ZNF350: variants seen among roughly 807,000 people sequenced by gnomAD.
ZNF350 encodes zinc finger protein 350.
A neutral mutation model predicts 13.1 loss-of-function variants in ZNF350; 5 were observed. That is an observed-to-expected ratio of 0.38 (90% CI 0.20 to 0.80). ZNF350 has a LOEUF of 0.80. Among genes scored for constraint, ZNF350 ranks in the 30% least tolerant of loss-of-function variants. The pLI is 0.43. For missense variants in ZNF350, 534 were observed against 644.2 expected (o/e 0.83, Z 1.85); for synonymous variants, 199 against 224.2 (o/e 0.89, Z 1.00).
chr19:51,968,664 G>A lies in ZNF350; in HGVS notation c.152C>T (p.Ala51Val), dbSNP rs753398260. The part of the protein sequence containing the change: ...YSNLVAVGYQ[A>V]SKPDALFKLE... Reference sequence around the variant, plus strand: ...CTTGAAGAGTGCATCCGGTTTGCTGGCTTGATACCCTGTTCATGGAAAATG... The same window carrying A: ...CTTGAAGAGTGCATCCGGTTTGCTGACTTGATACCCTGTTCATGGAAAATG... Residue 51 changes from alanine to valine, a missense_variant, in exon 4 of 5, where the codon GCC becomes GTC. Physicochemically the swap from Ala to Val is moderately conservative, Grantham distance 64. Coordinates refer to ENST00000243644, the MANE Select transcript of ZNF350 (RefSeq NM_021632.4). 6.2e-7 allele frequency: 1 copy of A among 1,613,986 alleles called. No individual in the cohort carries two copies.
intron 4 of ZNF350, chr19:51,967,361 CA>C (rs2085608765): frequency 6.6e-6 from 1 of 151,894 alleles, no homozygotes; most frequent in South Asian, 2.1e-4. Context: ...GCCAAGTTCA[CA>C]CCATTGCGCT....
In ZNF350 at chr19:51,976,610, AAAG is replaced by A. The variant is rs2085903951; in HGVS notation, c.-171-2082_-171-2080del. On this transcript the variant is annotated intron_variant, in intron 1 of 4. Transcript: ENST00000243644. This position sits in a 1 kb window ranked among gnomAD's most constrained non-coding sequence, Gnocchi z 4.5. ...AAAGAGGTACTGGGAGCAGTGCTTTAAAGAAGTACTGGGAAGTTTTCTGACTCA... is the reference window on the plus strand; with the variant it reads ...AAAGAGGTACTGGGAGCAGTGCTTTAAAGTACTGGGAAGTTTTCTGACTCA... 2 of 152,230 alleles carry A rather than the reference AAAG, an allele frequency of 1.3e-5. No homozygotes were observed. Among genetic ancestry groups the A allele is most frequent in the Admixed American group, 1.3e-4 (2 of 15,276 alleles). 9.4% of individuals were successfully genotyped at this position (152,230 alleles called of 1,614,324 possible).
rs2085909914 is a variant in ZNF350 at position 51,976,866 on chromosome 19, TAA to T, written c.-171-2337_-171-2336del. On this transcript the variant is annotated intron_variant, in intron 1 of 4. Coordinates refer to ENST00000243644, the MANE Select transcript of ZNF350 (RefSeq NM_021632.4). The surrounding 1 kb of genome is among the most constrained non-coding windows in gnomAD (Gnocchi z 4.5). ...TAAAACAGGCTCATCAAAAAGGTCT[TAA>T]AGTCGATTCTTCTGTTTTCTCCACT... 6.6e-6 allele frequency: 1 copy of T among 152,178 alleles called. No homozygotes were observed. The highest frequency in any genetic ancestry group is 6.5e-5 in the Admixed American group (1 of 15,276). The allele number at this position is 152,178 out of a possible 1,614,324, so 9.4% of individuals were successfully genotyped here. A position where few individuals can be genotyped will look rare whatever the true frequency, so the allele number is the denominator to read the frequency against.
rs1371540646 is a variant in ZNF350, at chr19:51,965,461, G to T, written c.992C>A (p.Thr331Lys). The T allele has an allele frequency of 1.2e-6, 2 of 1,613,936 alleles. No homozygotes were observed. The highest frequency in any genetic ancestry group is 2.7e-5 in the African/African-American group (2 of 74,884). ...AAATCTCTGATGTGCTATGAGACAC[G>T]TCTTCTGAATGAAGCCTTTTCCACA... is the stretch of plus-strand genomic sequence containing the variant. Reference protein sequence around the residue: ...NECGKGFIQKTCLIAHQRFHT... With the variant: ...NECGKGFIQKKCLIAHQRFHT... The change falls in exon 5 of 5, where the codon ACG becomes AAG. Residue 331 changes from threonine to lysine, a missense_variant. By Grantham distance (78) the Thr-to-Lys change is moderately conservative. Transcript: ENST00000243644.
At chr19:51,983,159 G>A (rs1409034275) in intron 1 of ZNF350, among the ~76,000 whole-genome samples, 3 of 152,216 alleles carry the variant, frequency 2.0e-5, no homozygotes, top group African/African-American at 4.8e-5. Flanking sequence ...TGTGCAGGAC[G>A]TGCTTTGTTA....
At chr19:51,972,640 T>A (rs892272851) in intron 2 of ZNF350, among the ~76,000 whole-genome samples, 3 of 152,164 alleles carry the variant, frequency 2.0e-5, no homozygotes, top group African/African-American at 7.2e-5. Context: ...AATATATATA[T>A]GTGTATATCA....
At chr19:51,967,958 C>G (rs1403084214) in intron 4 of ZNF350, among the ~76,000 whole-genome samples, 1 of 152,180 alleles carries the variant, frequency 6.6e-6, no homozygotes, top group East Asian at 1.9e-4. Flanking sequence ...AGGGAGATGT[C>G]AGTTTGGGAC....
In ZNF350 at chr19:51,986,797, G is replaced by A. The variant is rs963835497; in HGVS notation, c.-199C>T. The A allele has an allele frequency of 1.3e-5, 2 of 152,124 alleles. No homozygotes were observed. Among genetic ancestry groups the A allele is most frequent in the African/African-American group, 2.4e-5 (1 of 41,394 alleles). 9.4% of individuals were successfully genotyped at this position (152,124 alleles called of 1,614,324 possible). ...CTATTTTCTCCAGATACACAAGAAG[G>A]GCCTCAACGTTACACTTCCGTAAAC... On this transcript the variant is annotated 5_prime_UTR_variant, in exon 1 of 5. Transcript: ENST00000243644.
chr19:51,965,944 T>C lies in ZNF350; in HGVS notation c.509A>G (p.Glu170Gly). The change falls in exon 5 of 5, where the codon GAA becomes GGA. Residue 170 changes from glutamate to glycine, a missense_variant. Transcript: ENST00000243644. ...GAATTTAATTGCAGTATGAAGTCGT[T>C]CATGGTTAGCATGAAGAAAGGAGTC... Reference protein sequence around the residue: ...NGDSFLHANHERLHTAIKFPA... With the variant: ...NGDSFLHANHGRLHTAIKFPA... 6.2e-7 allele frequency: 1 copy of C among 1,614,098 alleles called. No homozygotes were observed. Among genetic ancestry groups the C allele is most frequent in the Non-Finnish European group, 8.5e-7 (1 of 1,180,040 alleles).
rs1221950100 is a variant in ZNF350 at position 51,981,036 on chromosome 19, G to C, written c.-172+5734C>G. 2.0e-5 allele frequency: 3 copies of C among 152,186 alleles called. No homozygotes were observed. The East Asian group carries it at 5.8e-4, about 29-fold the overall frequency. 9.4% of individuals were successfully genotyped at this position (152,186 alleles called of 1,614,324 possible). On this transcript the variant is annotated intron_variant, in intron 1 of 4. Coordinates refer to ENST00000243644, the MANE Select transcript of ZNF350 (RefSeq NM_021632.4). ...AAGGGGGATATGCAGGGAGCCAAAG[G>C]CCTGTGGGACGTGACCAACTCAGCA...
chr19:51,983,375 G>C (rs770561836), intron 1 of ZNF350, among the ~76,000 whole-genome samples: 2 of 152,150 alleles, frequency 1.3e-5, no homozygotes, highest in Admixed American at 1.3e-4. Flanking sequence ...CCCAACACTC[G>C]TAAAGGGTCT....
chr19:51,985,414 C>T (rs1464752812), intron 1 of ZNF350, among the ~76,000 whole-genome samples: 2 of 152,118 alleles, frequency 1.3e-5, no homozygotes, highest in Non-Finnish European at 2.9e-5. Flanking sequence ...TCATCACGAA[C>T]ATGGAAAAAG....
At chr19:51,986,521 G>A (rs1265604018) in intron 1 of ZNF350, 3 of 152,192 alleles carry the variant, frequency 2.0e-5, no homozygotes, top group African/African-American at 7.2e-5. Flanking sequence ...TTGACAGTTA[G>A]GACACGGCCG....
At chr19:51,986,267 G>C (rs2086156516) in intron 1 of ZNF350, among the ~76,000 whole-genome samples, 1 of 151,964 alleles carries the variant, frequency 6.6e-6, no homozygotes. Flanking sequence ...ACCGAGGTTC[G>C]AACCTCAACC....
intron 2 of ZNF350, chr19:51,973,209 G>A (rs1379449647): frequency 6.6e-6 from 1 of 152,042 alleles, no homozygotes; most frequent in East Asian, 1.9e-4. Flanking sequence ...GTCTCCCAAA[G>A]TGCTGGATTA....
intron 1 of ZNF350, among the ~76,000 whole-genome samples, chr19:51,984,959 T>C (rs952491816): frequency 1.7e-4 from 26 of 152,268 alleles, no homozygotes; most frequent in African/African-American, 5.1e-4. Context: ...GAGTTTAAAA[T>C]AGGCAAAACT....
intron 3 of ZNF350, 48 bp downstream of exon 3, chr19:51,968,957 G>A: frequency 5.0e-6 from 8 of 1,613,796 alleles, no homozygotes; most frequent in Non-Finnish European, 6.8e-6. Flanking sequence ...GAGAAAGGAA[G>A]GCCACTGACT....
At chr19:51,982,914 G>A (rs113068757) in intron 1 of ZNF350, among the ~76,000 whole-genome samples, 36 of 152,308 alleles carry the variant, frequency 2.4e-4, no homozygotes, top group African/African-American at 8.2e-4. Flanking sequence ...AACTAAGGGC[G>A]CCGTGGCTCA....
chr19:51,966,345 G>T, intron 4 of ZNF350, 131 bp from the exon 5 acceptor site: 2 of 884,256 alleles, frequency 2.3e-6, no homozygotes, highest in Non-Finnish European at 1.6e-6. Flanking sequence ...GTGCAATGCT[G>T]CGATCTCAGC....
Sources: allele counts gnomAD v4.1 joint callset (sites outside exome capture counted in the v4.1 genomes callset), GRCh38; gene constraint gnomAD v4.1.1; non-coding constraint Gnocchi (gnomAD v3.1); transcripts MANE v1.5; gene names NCBI Gene and HGNC (gene_info 2026-07-23, HGNC 2026-07-21).